The following CCDC178 variants were observed in gnomAD, a reference collection of about 807,000 sequenced individuals.
The protein encoded by CCDC178 is coiled-coil domain-containing protein 178.
A neutral mutation model predicts 117.4 loss-of-function variants in CCDC178; 126 were observed. The ratio of observed to expected loss-of-function variants is 1.07; its 90% CI spans 0.93 to 1.24. The LOEUF (loss-of-function observed/expected upper bound fraction) is 1.24. Among genes scored for constraint, CCDC178 ranks in the 50% most tolerant of loss-of-function variants. The pLI is 0.00. For missense variants in CCDC178, 1,030 were observed against 986.9 expected (o/e 1.04, Z -0.59); for synonymous variants, 283 against 313.4 (o/e 0.90, Z 1.02).
intron 3 of CCDC178, among the ~76,000 whole-genome samples, chr18:33,408,262 C>A (rs762276730): frequency 1.1e-4 from 16 of 151,578 alleles, no homozygotes; most frequent in Non-Finnish European, 2.2e-4. Flanking sequence ...AAATTAATGG[C>A]AAAACATTAA....
intron 21 of CCDC178, among the ~76,000 whole-genome samples, chr18:33,025,794 C>T (rs959213508): frequency 1.3e-5 from 2 of 152,114 alleles, no homozygotes; most frequent in African/African-American, 4.8e-5. Context: ...ATGGTACAAT[C>T]GCTCTGAGAA....
rs373415111 is a variant in CCDC178, at chr18:33,226,781, A to T, written c.1656+12T>A. On this transcript the variant is annotated intron_variant, in intron 16 of 22. Transcript: ENST00000383096. ...AAGGAAGAATAAAATATTAAAACCA[A>T]ATCAGTATTACCTGAAGCACCATTC... 1.3e-4 allele frequency: 196 copies of T among 1,542,204 alleles called. No homozygotes were observed. The highest frequency in any genetic ancestry group is 4.5e-4 in the Admixed American group (24 of 53,338).
intron 11 of CCDC178, among the ~76,000 whole-genome samples, chr18:33,294,580 T>C (rs1004921201): frequency 1.3e-5 from 2 of 152,182 alleles, no homozygotes; most frequent in Non-Finnish European, 2.9e-5. Flanking sequence ...AATCTCACTA[T>C]AGAAATGAAA....
chr18:32,994,900 G>A (rs1221100571), intron 21 of CCDC178, among the ~76,000 whole-genome samples: 2 of 152,186 alleles, frequency 1.3e-5, no homozygotes, highest in Non-Finnish European at 2.9e-5. Flanking sequence ...AATATCAGCA[G>A]TATTTCTAAG....
chr18:33,221,216 T>C (rs1448598557), intron 18 of CCDC178, among the ~76,000 whole-genome samples: 1 of 152,074 alleles, frequency 6.6e-6, no homozygotes, highest in Non-Finnish European at 1.5e-5. Context: ...ACTGAGTTCA[T>C]GCAGAAGACA....
intron 12 of CCDC178, among the ~76,000 whole-genome samples, chr18:33,292,196 T>A (rs78303186): frequency 0.01 from 1,545 of 152,214 alleles, 14 homozygotes; most frequent in Middle Eastern, 0.048. Flanking sequence ...CATCAATGGA[T>A]GAGTAGATAA....
intron 6 of CCDC178, among the ~76,000 whole-genome samples, chr18:33,359,955 A>T (rs1374235283): frequency 6.6e-6 from 1 of 151,230 alleles, no homozygotes; most frequent in East Asian, 1.9e-4. Context: ...ATTATTACCA[A>T]ATATTTAAAT....
At chr18:33,320,657 T>A (rs999279261) in intron 11 of CCDC178, among the ~76,000 whole-genome samples, 1 of 152,170 alleles carries the variant, frequency 6.6e-6, no homozygotes, top group Non-Finnish European at 1.5e-5. Flanking sequence ...AAAATGGCCA[T>A]ACTGCCCAAG....
intron 10 of CCDC178, among the ~76,000 whole-genome samples, chr18:33,329,945 C>T: frequency 7.8e-6 from 1 of 128,930 alleles, no homozygotes; most frequent in Non-Finnish European, 1.6e-5. Flanking sequence ...CCACTTGGTC[C>T]TGGGCTTTTT....
chr18:32,978,474 G>GA (rs2055073342), intron 21 of CCDC178, among the ~76,000 whole-genome samples: 1 of 151,826 alleles, frequency 6.6e-6, no homozygotes, highest in African/African-American at 2.4e-5. Flanking sequence ...AAGTGATTAT[G>GA]AAAAAAACCC....
intron 14 of CCDC178, among the ~76,000 whole-genome samples, chr18:33,257,266 A>T (rs1035737376): frequency 6.6e-6 from 1 of 152,100 alleles, no homozygotes; most frequent in Non-Finnish European, 1.5e-5. Context: ...AAGAGGCCAG[A>T]CTGGGAATGT....
chr18:33,278,050 C>T (rs1358144320), intron 12 of CCDC178, among the ~76,000 whole-genome samples: 1 of 151,982 alleles, frequency 6.6e-6, no homozygotes, highest in Non-Finnish European at 1.5e-5. Context: ...AAATCTCCAA[C>T]CAAAGCCCAA....
intron 20 of CCDC178, among the ~76,000 whole-genome samples, chr18:33,098,626 C>A (rs1002945435): frequency 2.6e-5 from 4 of 152,034 alleles, no homozygotes; most frequent in Non-Finnish European, 5.9e-5. Flanking sequence ...TCACTTCAGT[C>A]TCATGGATGG....
chr18:33,217,051 A>G (rs1463610256), intron 18 of CCDC178, among the ~76,000 whole-genome samples: 1 of 152,044 alleles, frequency 6.6e-6, no homozygotes, highest in African/African-American at 2.4e-5. Flanking sequence ...TATATCTTTT[A>G]GCACACTGTA....
chr18:33,212,175 C>A, intron 19 of CCDC178, 120 bp from the exon 20 acceptor site: 1 of 682,912 alleles, frequency 1.5e-6, no homozygotes, highest in Non-Finnish European at 2.3e-6. Context: ...AACTGACAGG[C>A]CTTGGAAAAA....
intron 20 of CCDC178, among the ~76,000 whole-genome samples, chr18:33,153,019 GA>G (rs11406493): frequency 1.4e-4 from 20 of 146,262 alleles, no homozygotes; most frequent in Admixed American, 6.1e-4. Flanking sequence ...TTAGACTTGT[GA>G]AAAAAAAAAC....
chr18:33,287,820 G>T (rs928343725), intron 12 of CCDC178, among the ~76,000 whole-genome samples: 2 of 151,956 alleles, frequency 1.3e-5, no homozygotes, highest in African/African-American at 4.8e-5. Flanking sequence ...ATAACATTTT[G>T]TTAAAACATC....
chr18:32,999,128 G>A (rs2144764031), intron 21 of CCDC178, among the ~76,000 whole-genome samples: 1 of 151,986 alleles, frequency 6.6e-6, no homozygotes, highest in Non-Finnish European at 1.5e-5. Context: ...AGAGCCACAG[G>A]CCTGGCAGCA....
chr18:33,094,369 A>G (rs960383633), intron 20 of CCDC178, among the ~76,000 whole-genome samples: 1 of 152,050 alleles, frequency 6.6e-6, no homozygotes, highest in East Asian at 1.9e-4. Flanking sequence ...TAGCTATACT[A>G]ATTTAAGATT....
Sources: gnomAD v4.1 joint callset for allele counts (sites outside exome capture counted in the v4.1 genomes callset) on GRCh38, gnomAD v4.1.1 for gene constraint, MANE v1.5 for transcripts, NCBI Gene and HGNC (gene_info 2026-07-23, HGNC 2026-07-21) for gene names.